FNIP2: variants seen among roughly 807,000 people sequenced by gnomAD.
FNIP2 encodes folliculin-interacting protein 2.
A neutral mutation model predicts 108.7 loss-of-function variants in FNIP2; 32 were observed. The ratio of observed to expected loss-of-function variants is 0.29; its 90% CI spans 0.22 to 0.40. The LOEUF is 0.40. FNIP2 is among the 10% of genes least tolerant of loss of function. FNIP2 has a pLI of 1.00. For synonymous variants in FNIP2, 480 were observed against 496.7 expected (o/e 0.97, Z 0.45); for missense variants, 1,202 against 1,381.6 (o/e 0.87, Z 2.06).
At chr4:158,823,178 A>G (rs1367684812) in intron 1 of FNIP2, among the ~76,000 whole-genome samples, 1 of 152,226 alleles carries the variant, frequency 6.6e-6, no homozygotes, top group East Asian at 1.9e-4. Flanking sequence ...AGGCAATTAA[A>G]TCTGATTTTT....
chr4:158,779,110 G>T (rs1251682253), intron 1 of FNIP2, among the ~76,000 whole-genome samples: 1 of 152,170 alleles, frequency 6.6e-6, no homozygotes, highest in African/African-American at 2.4e-5. Flanking sequence ...TTCAACATGT[G>T]TGCAGATTGT....
At chr4:158,843,803 C>A (rs868649380) in intron 7 of FNIP2, among the ~76,000 whole-genome samples, 2 of 152,140 alleles carry the variant, frequency 1.3e-5, no homozygotes, top group Non-Finnish European at 2.9e-5. Context: ...GGGATTGTTT[C>A]CACATGTATT....
chr4:158,852,479 C>T (rs1373948255), intron 8 of FNIP2, among the ~76,000 whole-genome samples: 1 of 152,152 alleles, frequency 6.6e-6, no homozygotes. Flanking sequence ...TTTGTGTGAA[C>T]ACAAGTCCTA....
At chr4:158,829,747 G>A (rs147118834) in intron 3 of FNIP2, among the ~76,000 whole-genome samples, 515 of 151,928 alleles carry the variant, frequency 3.4e-3, no homozygotes, top group Middle Eastern at 0.017. Flanking sequence ...TATAAGGATA[G>A]GGGTTAAGGT....
intron 14 of FNIP2, among the ~76,000 whole-genome samples, chr4:158,875,515 GATATATATAT>G (rs56389652): frequency 0.37 from 41,665 of 112,020 alleles, 8,382 homozygotes; most frequent in Non-Finnish European, 0.43. Context: ...GCCTGGCTGT[GATATATATAT>G]ATATATATAT....
At chr4:158,810,068 T>C (rs1410157953) in intron 1 of FNIP2, among the ~76,000 whole-genome samples, 1 of 152,174 alleles carries the variant, frequency 6.6e-6, no homozygotes, top group Non-Finnish European at 1.5e-5. Flanking sequence ...AATATAAAAA[T>C]AGTCACAGAT....
intron 1 of FNIP2, among the ~76,000 whole-genome samples, chr4:158,812,373 C>T (rs982848568): frequency 1.3e-5 from 2 of 151,902 alleles, no homozygotes; most frequent in Admixed American, 6.6e-5. Context: ...GAGGAGACGG[C>T]CTGTAATTCT....
At chr4:158,887,893 C>A (rs530873429) in intron 14 of FNIP2, among the ~76,000 whole-genome samples, 1 of 152,208 alleles carries the variant, frequency 6.6e-6, no homozygotes, top group Non-Finnish European at 1.5e-5. Flanking sequence ...TAAGCCAGAT[C>A]ATAATATGTT....
At chr4:158,874,949 T>C (rs2126723922) in intron 14 of FNIP2, among the ~76,000 whole-genome samples, 1 of 149,914 alleles carries the variant, frequency 6.7e-6, no homozygotes, top group Non-Finnish European at 1.5e-5. Flanking sequence ...TTGCCAGGTG[T>C]GGCAGCGGGT....
chr4:158,860,175 G>A (rs889760274), intron 10 of FNIP2, among the ~76,000 whole-genome samples: 3 of 152,150 alleles, frequency 2.0e-5, no homozygotes, highest in Non-Finnish European at 4.4e-5. Context: ...AAATTGTGTT[G>A]GGTAGCAGGT....
At chr4:158,901,989 C>T (rs1347796430) in intron 16 of FNIP2, among the ~76,000 whole-genome samples, 1 of 152,034 alleles carries the variant, frequency 6.6e-6, no homozygotes, top group African/African-American at 2.4e-5. Context: ...CTACTTCTGT[C>T]AATTCATCAA....
rs764988915 is a variant in FNIP2 at position 158,869,062 on chromosome 4, T to C, written c.2426T>C (p.Ile809Thr). ...RGSRNDMAAD[I>T]AGQLSHAADL... is the part of the protein sequence containing the mutation. Reference sequence around the variant, plus strand: ...AGCAGAAACGACATGGCAGCAGATATTGCTGGGCAGCTCAGCCACGCTGCT... The same window carrying C: ...AGCAGAAACGACATGGCAGCAGATACTGCTGGGCAGCTCAGCCACGCTGCT... Residue 809 changes from isoleucine (I) to threonine (T), a missense_variant, in exon 13 of 17, where the codon ATT becomes ACT. Physicochemically the swap from Ile to Thr is moderately conservative, Grantham distance 89. Transcript: ENST00000264433. The C allele has an allele frequency of 1.9e-6, 3 of 1,613,956 alleles. No individual in the cohort carries two copies. The highest frequency in any genetic ancestry group is 2.2e-5 in the East Asian group (1 of 44,882).
intron 1 of FNIP2, among the ~76,000 whole-genome samples, chr4:158,801,404 C>T (rs1776757787): frequency 6.6e-6 from 1 of 152,230 alleles, no homozygotes; most frequent in Non-Finnish European, 1.5e-5. Flanking sequence ...AAGAATTTGA[C>T]TTATCAGTCA....
intron 16 of FNIP2, among the ~76,000 whole-genome samples, chr4:158,896,636 T>C (rs926422997): frequency 6.6e-5 from 10 of 152,204 alleles, no homozygotes; most frequent in African/African-American, 2.4e-4. Context: ...TTCTCATCTT[T>C]CACACCCAGA....
chr4:158,826,129 T>A lies in FNIP2; in HGVS notation c.234+87T>A. 1.3e-6 allele frequency: 2 copies of A among 1,495,086 alleles called. 1 individual carries two copies. Among genetic ancestry groups the A allele is most frequent in the South Asian group, 2.5e-5 (2 of 80,548 alleles). 92.6% of individuals were successfully genotyped at this position (1,495,086 alleles called of 1,614,324 possible). On this transcript the variant is annotated intron_variant, in intron 2 of 16. Transcript: ENST00000264433. ...TCATTTATTAATCTATCATCTTCTC[T>A]TTGAGTTATATTATACAGTGCCATT...
intron 8 of FNIP2, 93 bp downstream of exon 8, chr4:158,851,543 A>G (rs1264909500): frequency 2.5e-5 from 37 of 1,472,252 alleles, no homozygotes; most frequent in Non-Finnish European, 3.2e-5. Context: ...TTGTCAGTGG[A>G]AAAAAAACCA....
At chr4:158,858,516 G>A (rs192522995) in intron 8 of FNIP2, among the ~76,000 whole-genome samples, 1 of 152,180 alleles carries the variant, frequency 6.6e-6, no homozygotes, top group Non-Finnish European at 1.5e-5. Context: ...GCAGAAGAGA[G>A]GTAAGTGTTT....
chr4:158,813,217 A>T (rs1777378303), intron 1 of FNIP2, among the ~76,000 whole-genome samples: 1 of 152,182 alleles, frequency 6.6e-6, no homozygotes, highest in African/African-American at 2.4e-5. Flanking sequence ...AAATAACAAC[A>T]AGTCCCTTTG....
intron 7 of FNIP2, among the ~76,000 whole-genome samples, chr4:158,845,130 T>C (rs1451067757): frequency 6.6e-6 from 1 of 152,246 alleles, no homozygotes; most frequent in African/African-American, 2.4e-5. Context: ...AACTTTTTTC[T>C]AATTATAAAA....
Sources: allele counts gnomAD v4.1 joint callset (sites outside exome capture counted in the v4.1 genomes callset), GRCh38; gene constraint gnomAD v4.1.1; transcripts MANE v1.5; gene names NCBI Gene and HGNC (gene_info 2026-07-23, HGNC 2026-07-21).